Variants in CNTNAP2 observed in about 807,000 individuals in gnomAD.
The protein encoded by CNTNAP2 is contactin associated protein 2, also known as contactin-associated protein-like 2.
Under a neutral mutation model 155.2 loss-of-function variants are expected in CNTNAP2, and 98 were observed. The ratio of observed to expected loss-of-function variants is 0.63; its 90% CI spans 0.54 to 0.75. The LOEUF (loss-of-function observed/expected upper bound fraction) is 0.75, where lower values mean the gene tolerates loss of function less well. Ranked by LOEUF, CNTNAP2 falls within the 30% of genes least tolerant of loss-of-function variation. The pLI is 0.00. For missense variants in CNTNAP2, 1,727 were observed against 1,688.1 expected (o/e 1.02, Z -0.40); for synonymous variants, 651 against 631.2 (o/e 1.03, Z -0.47).
At chr7:148,137,049 G>A (rs1474933463) in intron 16 of CNTNAP2, among the ~76,000 whole-genome samples, 1 of 152,180 alleles carries the variant, frequency 6.6e-6, no homozygotes, top group Non-Finnish European at 1.5e-5. Flanking sequence ...AAGGGATGCT[G>A]TGAAGTGATT....
chr7:147,184,487 A>G (rs547502236), intron 8 of CNTNAP2, among the ~76,000 whole-genome samples: 2 of 152,328 alleles, frequency 1.3e-5, no homozygotes, highest in Admixed American at 6.5e-5. Flanking sequence ...TGTATAAACT[A>G]TGGCAAAGGA....
intron 1 of CNTNAP2, among the ~76,000 whole-genome samples, chr7:146,412,846 A>G (rs1176145460): frequency 6.6e-6 from 1 of 152,224 alleles, no homozygotes; most frequent in Non-Finnish European, 1.5e-5. Context: ...GAAGGGTTTC[A>G]GTTTAGTCAC....
intron 1 of CNTNAP2, among the ~76,000 whole-genome samples, chr7:146,565,431 C>G (rs1313350746): frequency 6.6e-6 from 1 of 151,552 alleles, no homozygotes; most frequent in African/African-American, 2.4e-5. Context: ...TTCCAGGGAT[C>G]CTTTCCAGGG....
At chr7:146,808,321 CATTG>C (rs993744232) in intron 2 of CNTNAP2, among the ~76,000 whole-genome samples, 20 of 152,140 alleles carry the variant, frequency 1.3e-4, no homozygotes, top group African/African-American at 4.3e-4. Context: ...AGATGCTGTG[CATTG>C]ATTGAGAGCA....
chr7:146,859,601 G>A (rs771534672), intron 3 of CNTNAP2, among the ~76,000 whole-genome samples: 1 of 152,058 alleles, frequency 6.6e-6, no homozygotes, highest in Non-Finnish European at 1.5e-5. Context: ...AAGTTGCAGT[G>A]GGCCAAGATC....
chr7:148,047,632 AGGGCATCACC>A (rs912231787), intron 15 of CNTNAP2, among the ~76,000 whole-genome samples: 7 of 152,232 alleles, frequency 4.6e-5, no homozygotes, highest in Non-Finnish European at 1.0e-4. Context: ...AAAAGAAGGC[AGGGCATCACC>A]TTGTTCTACA....
At chr7:146,169,136 A>G (rs1475888413) in intron 1 of CNTNAP2, among the ~76,000 whole-genome samples, 4 of 152,186 alleles carry the variant, frequency 2.6e-5, no homozygotes, top group Non-Finnish European at 5.9e-5. Flanking sequence ...CAACTATTCT[A>G]TTTAGAAATG....
intron 1 of CNTNAP2, among the ~76,000 whole-genome samples, chr7:146,711,581 A>G (rs1208028076): frequency 6.7e-6 from 1 of 149,448 alleles, no homozygotes; most frequent in Non-Finnish European, 1.5e-5. Flanking sequence ...TGTATTCAAA[A>G]CAACTAGTTT....
chr7:146,359,339 C>T (rs1795048668), intron 1 of CNTNAP2, among the ~76,000 whole-genome samples: 2 of 152,240 alleles, frequency 1.3e-5, no homozygotes, highest in South Asian at 4.1e-4. Context: ...AAGTTACTTT[C>T]ATTCCTAAGG....
intron 15 of CNTNAP2, among the ~76,000 whole-genome samples, chr7:148,068,468 T>C (rs1803311556): frequency 6.6e-6 from 1 of 152,240 alleles, no homozygotes; most frequent in African/African-American, 2.4e-5. Flanking sequence ...AGTGAGGGTA[T>C]GTGTTCAGAA....
At chr7:147,480,370 T>C (rs117185475) in intron 10 of CNTNAP2, among the ~76,000 whole-genome samples, 1 of 152,202 alleles carries the variant, frequency 6.6e-6, no homozygotes, top group Admixed American at 6.5e-5. Flanking sequence ...AGGTGTAAAG[T>C]TGGCATTAGT....
intron 1 of CNTNAP2, among the ~76,000 whole-genome samples, chr7:146,121,348 TCTACA>T: frequency 6.6e-6 from 1 of 152,050 alleles, no homozygotes; most frequent in Non-Finnish European, 1.5e-5. Context: ...ATGTGACATG[TCTACA>T]CATGTCATCT....
intron 3 of CNTNAP2, among the ~76,000 whole-genome samples, chr7:146,879,349 T>C (rs1466298439): frequency 6.6e-6 from 1 of 152,200 alleles, no homozygotes; most frequent in Admixed American, 6.6e-5. Context: ...TTCCCAACTT[T>C]TATATATCAT....
chr7:146,928,741 T>C (rs1031314581), intron 3 of CNTNAP2, among the ~76,000 whole-genome samples: 17 of 152,210 alleles, frequency 1.1e-4, no homozygotes, highest in African/African-American at 3.6e-4. Flanking sequence ...CCTAATACTG[T>C]GCTTTTCCGA....
At chr7:148,003,157 A>G (rs1420467966) in intron 15 of CNTNAP2, among the ~76,000 whole-genome samples, 1 of 152,122 alleles carries the variant, frequency 6.6e-6, no homozygotes, top group Non-Finnish European at 1.5e-5. Context: ...ATCAACCTCT[A>G]TGTGTCCTTC....
chr7:147,307,537 T>C (rs2116786768), intron 9 of CNTNAP2, among the ~76,000 whole-genome samples: 1 of 152,106 alleles, frequency 6.6e-6, no homozygotes, highest in South Asian at 2.1e-4. Context: ...TGAGACAGGA[T>C]CACACCACTG....
chr7:147,696,499 A>G (rs1796163081), intron 13 of CNTNAP2, among the ~76,000 whole-genome samples: 1 of 152,068 alleles, frequency 6.6e-6, no homozygotes, highest in Non-Finnish European at 1.5e-5. Flanking sequence ...CATAGAGTAC[A>G]TTATTATTAT....
chr7:148,364,771 G>A (rs903271739), intron 21 of CNTNAP2, among the ~76,000 whole-genome samples: 2 of 152,194 alleles, frequency 1.3e-5, no homozygotes, highest in Admixed American at 6.5e-5. Flanking sequence ...CCAGATAAGA[G>A]AATAAAAGCA....
At position 146,720,977 on chromosome 7, in the gene CNTNAP2, ACTATATATACTGTATATATATAGT is replaced by A. The variant is rs1281340553; in HGVS notation, c.98-53284_98-53261del. 1.2e-3 allele frequency among the ~76,000 whole-genome samples: 121 copies of A among 104,410 alleles called. 1 individual carries two copies. The highest frequency in any genetic ancestry group is 1.6e-3 in the Non-Finnish European group (89 of 55,490). The allele number at this position is 104,410 out of a possible 152,430, so 68.5% of individuals were successfully genotyped here. On this transcript the variant is annotated intron_variant, in intron 1 of 23. Coordinates refer to ENST00000361727, the MANE Select transcript of CNTNAP2 (RefSeq NM_014141.6). ...CTATATATATACAGTATATATATAG[ACTATATATACTGTATATATATAGT>A]CTATATATATACTCTATATATTATA...
Sources: gnomAD v4.1 joint callset for allele counts (sites outside exome capture counted in the v4.1 genomes callset) on GRCh38, gnomAD v4.1.1 for gene constraint, MANE v1.5 for transcripts, NCBI Gene and HGNC (gene_info 2026-07-23, HGNC 2026-07-21) for gene names.